Variants in IFI16 observed in about 807,000 individuals in gnomAD.
IFI16 encodes the protein gamma-interferon-inducible protein 16.
In IFI16, 49 loss-of-function variants were observed where a neutral mutation model predicts 68.4. The ratio of observed to expected loss-of-function variants is 0.72; its 90% CI spans 0.57 to 0.91. IFI16 has a LOEUF of 0.91. Ranked by LOEUF, IFI16 falls within the 40% of genes least tolerant of loss-of-function variation. The pLI is 0.00. For missense variants in IFI16, 878 were observed against 942.9 expected, an observed-to-expected ratio of 0.93 and a Z score of 0.90; for synonymous variants, 307 against 315.0, an observed-to-expected ratio of 0.97 and a Z score of 0.27.
At chr1:159,022,517 G>A (rs1653403224) in intron 6 of IFI16, among the ~76,000 whole-genome samples, 1 of 152,158 alleles carries the variant, frequency 6.6e-6, no homozygotes, top group South Asian at 2.1e-4. Context: ...CTCACCTTCT[G>A]TATTTGTCCC....
intron 8 of IFI16, among the ~76,000 whole-genome samples, chr1:159,046,983 T>C (rs1365292985): frequency 3.4e-5 from 5 of 145,780 alleles, no homozygotes; most frequent in Non-Finnish European, 7.6e-5. Flanking sequence ...TCAACCCTTA[T>C]CCCAGCTTGC....
rs1652896896 is a variant in IFI16, at chr1:159,015,955, A to G, written c.349A>G (p.Thr117Ala). The change falls in exon 3 of 12, where the codon ACT becomes GCT. Residue 117 changes from threonine (T) to alanine (A), a missense_variant. Coordinates refer to ENST00000295809, the MANE Select transcript of IFI16 (RefSeq NM_001376587.1). ...PAPSTSSTVK[T>A]EGAEATPGAQ... ...ACCCTCCACAAGCAGCACTGTCAAA[A>G]CTGAAGGAGCAGAGGCAACTCCTGG... The G allele has an allele frequency of 1.2e-6, 2 of 1,614,074 alleles. No homozygotes were observed. Among genetic ancestry groups the G allele is most frequent in the African/African-American group, 2.7e-5 (2 of 75,048 alleles).
At chr1:159,040,380 C>T (rs1268908530) in intron 7 of IFI16, among the ~76,000 whole-genome samples, 3 of 152,178 alleles carry the variant, frequency 2.0e-5, no homozygotes, top group Non-Finnish European at 4.4e-5. Context: ...ACTGTCCTTA[C>T]CTCTGGGAGC....
At chr1:159,042,903 A>G (rs1306359016) in intron 7 of IFI16, among the ~76,000 whole-genome samples, 1 of 152,220 alleles carries the variant, frequency 6.6e-6, no homozygotes, top group Non-Finnish European at 1.5e-5. Flanking sequence ...TACCCAAGGC[A>G]AATGGGCAGG....
chr1:159,029,277 G>A (rs964800949), intron 6 of IFI16, among the ~76,000 whole-genome samples: 5 of 152,072 alleles, frequency 3.3e-5, no homozygotes, highest in African/African-American at 1.2e-4. Context: ...ACACATTCTC[G>A]GCTGATAATT....
chr1:159,034,639 A>G (rs928693785), intron 7 of IFI16, among the ~76,000 whole-genome samples: 2 of 152,128 alleles, frequency 1.3e-5, no homozygotes, highest in African/African-American at 4.8e-5. Context: ...AACTCTCCAC[A>G]GGCCCCAGCC....
At chr1:159,026,290 A>C (rs936930471) in intron 6 of IFI16, among the ~76,000 whole-genome samples, 47 of 115,996 alleles carry the variant, frequency 4.1e-4, no homozygotes, top group South Asian at 9.0e-4. Context: ...CATTTTCTTT[A>C]TTTCTTTCTT....
At chr1:159,029,105 A>G (rs934791820) in intron 6 of IFI16, among the ~76,000 whole-genome samples, 1 of 152,102 alleles carries the variant, frequency 6.6e-6, no homozygotes, top group Non-Finnish European at 1.5e-5. Context: ...TATGCTTTAA[A>G]TGTTTTATGT....
rs780914188 is a variant in IFI16 at position 159,049,495 on chromosome 1, A to G, written c.1561A>G (p.Ser521Gly). Residue 521 changes from serine (S) to glycine (G), a missense_variant, in exon 9 of 12, where the codon AGT becomes GGT. Physicochemically the swap from Ser to Gly is moderately conservative, Grantham distance 56. Around this residue, in one of 4 missense-constraint regions of IFI16, gnomAD observed 59 missense variants for 119.0 expected, o/e 0.50. Transcript: ENST00000295809. The stretch of plus-strand genomic sequence containing the variant: ...GAGGATGCAGATACTGAAGGAAGGG[A>G]GTCATTTTCCAGGACCGTTCATGAC... ...FMRMQILKEG[S>G]HFPGPFMTSI... 3 of 1,578,528 alleles carry G rather than the reference A, an allele frequency of 1.9e-6. No homozygotes were observed. The highest frequency in any genetic ancestry group is 2.6e-6 in the Non-Finnish European group (3 of 1,152,292).
chr1:159,010,223 A>T lies in IFI16; in HGVS notation c.-21+62A>T, dbSNP rs1652460649. 2.0e-5 allele frequency: 3 copies of T among 152,210 alleles called. No homozygotes were observed. In the South Asian group the frequency reaches 6.2e-4, roughly 31 times the overall value. The allele number at this position is 152,210 out of a possible 1,614,324, so 9.4% of individuals were successfully genotyped here. The stretch of plus-strand genomic sequence containing the variant: ...TTCCTTCCTTGAAGTCCCCAGAATC[A>T]CAAGGGGACAATCAGTATTGGTTAT... On this transcript the variant is annotated intron_variant, in intron 1 of 11. Coordinates refer to ENST00000295809, the MANE Select transcript of IFI16 (RefSeq NM_001376587.1).
intron 6 of IFI16, among the ~76,000 whole-genome samples, chr1:159,027,452 T>A (rs1365125372): frequency 6.6e-6 from 1 of 152,154 alleles, no homozygotes; most frequent in Non-Finnish European, 1.5e-5. Flanking sequence ...GATTTTTGCA[T>A]CTATGTTCAT....
At chr1:159,047,725 C>T (rs1243936563) in intron 8 of IFI16, among the ~76,000 whole-genome samples, 2 of 146,860 alleles carry the variant, frequency 1.4e-5, no homozygotes, top group Non-Finnish European at 1.5e-5. Flanking sequence ...CAACGTAAGC[C>T]GGGAATCCTT....
At chr1:159,054,396 T>C (rs369822711) in intron 11 of IFI16, among the ~76,000 whole-genome samples, 1 of 152,214 alleles carries the variant, frequency 6.6e-6, no homozygotes, top group South Asian at 2.1e-4. Flanking sequence ...TGCTCTCAGA[T>C]TGCTCCAGTT....
intron 9 of IFI16, among the ~76,000 whole-genome samples, chr1:159,050,707 C>CA (rs1557883153): frequency 6.6e-6 from 1 of 152,100 alleles, no homozygotes; most frequent in African/African-American, 2.4e-5. Context: ...TGCTCTCCTA[C>CA]AACTCAGAAA....
Position 159,044,592 on chromosome 1 carries a change from A to AT in IFI16, c.1330-699dup, listed in dbSNP as rs1387036241. Among the ~76,000 whole-genome samples the AT allele has an allele frequency of 3.3e-5, 5 of 152,128 alleles. 1 individual carries two copies. Among genetic ancestry groups the AT allele is most frequent in the Non-Finnish European group, 7.4e-5 (5 of 68,008 alleles). On this transcript the variant is annotated intron_variant, in intron 7 of 11. Transcript: ENST00000295809. The stretch of plus-strand genomic sequence containing the variant: ...GCCACATTGGCCAAATAGGATGAAT[A>AT]TTTTTTGGACTTCCATTGGTTTAAT...
chr1:159,005,242 T>C (rs775660120), upstream of IFI16, among the ~76,000 whole-genome samples: 30 of 152,204 alleles, frequency 2.0e-4, no homozygotes, highest in Non-Finnish European at 3.7e-4. Flanking sequence ...GTCTATAGTA[T>C]TCCATTACAG....
chr1:159,008,524 G>C (rs1481890667), upstream of IFI16, among the ~76,000 whole-genome samples: 1 of 152,140 alleles, frequency 6.6e-6, no homozygotes, highest in African/African-American at 2.4e-5. Flanking sequence ...GGACATTACT[G>C]CATATAAAAT....
chr1:159,034,687 C>T (rs1039917014), intron 7 of IFI16, among the ~76,000 whole-genome samples: 4 of 152,328 alleles, frequency 2.6e-5, no homozygotes, highest in South Asian at 2.1e-4. Context: ...CTGGCAACCA[C>T]GTTTCAGATT....
At chr1:159,033,694 T>C (rs573793390) in intron 7 of IFI16, among the ~76,000 whole-genome samples, 22 of 152,354 alleles carry the variant, frequency 1.4e-4, no homozygotes, top group African/African-American at 4.6e-4. Context: ...TTAATGATTA[T>C]ATATGGCTTT....
Sources: gnomAD v4.1 joint callset for allele counts (sites outside exome capture counted in the v4.1 genomes callset) on GRCh38, gnomAD v4.1.1 for gene constraint, gnomAD v4.1.1 regional missense constraint, MANE v1.5 for transcripts, NCBI Gene and HGNC (gene_info 2026-07-23, HGNC 2026-07-21) for gene names.